The following SLC17A1 variants were observed in gnomAD, a reference collection of about 807,000 sequenced individuals.
SLC17A1 encodes the protein sodium-dependent phosphate transport protein 1.
A neutral mutation model predicts 53.5 loss-of-function variants in SLC17A1; 51 were observed. The observed-to-expected ratio is 0.95, with a 90% CI of 0.76 to 1.20. SLC17A1 has a LOEUF of 1.20. Ranked by LOEUF, SLC17A1 falls within the 50% of genes most tolerant of loss-of-function variation. The pLI, the probability that SLC17A1 is intolerant of heterozygous loss-of-function variation, is 0.00. For missense variants in SLC17A1, 538 were observed against 568.2 expected (o/e 0.95, Z 0.54); for synonymous variants, 179 against 198.8 (o/e 0.90, Z 0.84).
the SLC17A1 span, chr6:25,732,581 G>C: frequency 2.4e-6 from 2 of 832,236 alleles, no homozygotes; most frequent in Non-Finnish European, 3.8e-6. Context: ...GCACGCTAGC[G>C]TACCTGCCGG....
At chr6:25,745,640 A>G in the SLC17A1 span, among the ~76,000 whole-genome samples, 1 of 152,196 alleles carries the variant, frequency 6.6e-6, no homozygotes, top group Non-Finnish European at 1.5e-5. Context: ...TGTGTTACAG[A>G]CTTCCCTAAG....
chr6:25,769,227 C>A, the SLC17A1 span: 1 of 1,551,450 alleles, frequency 6.4e-7, no homozygotes, highest in Middle Eastern at 1.7e-4. Flanking sequence ...TTCTTTGACT[C>A]AAATAATTTG....
Position 25,823,897 on chromosome 6 carries a change from G to A in SLC17A1, c.207+2564C>T, listed in dbSNP as rs1047109565. ...GTCTTTACACTAATTCTACACTGTC[G>A]TTATTACTATAACTCTGTGTAAGTC... is the stretch of plus-strand genomic sequence containing the variant. On this transcript the variant is annotated intron_variant, in intron 3 of 12. Transcript: ENST00000244527. Among the ~76,000 whole-genome samples the A allele has an allele frequency of 6.6e-5, 10 of 151,672 alleles. No individual in the cohort carries two copies. The South Asian group carries it at 8.3e-4, about 13-fold the overall frequency.
Position 25,819,692 on chromosome 6 carries a change from C to T in SLC17A1, c.431G>A (p.Gly144Glu). Residue 144 changes from glycine to glutamate, a missense_variant, in exon 4 of 13, where the codon GGA becomes GAA. By Grantham distance (98) the Gly-to-Glu change is moderately conservative (BLOSUM62 -2). Coordinates refer to ENST00000244527, the MANE Select transcript of SLC17A1 (RefSeq NM_005074.5). ...AWVVVCRAVQ[G>E]AAQGIVATAQ... Reference sequence around the variant, plus strand: ...GCATTATTTTAATACCTGGGCTGCTCCCTGAACTGCTCGACATACAACGAC... The same window carrying T: ...GCATTATTTTAATACCTGGGCTGCTTCCTGAACTGCTCGACATACAACGAC... 1.2e-6 allele frequency: 2 copies of T among 1,614,100 alleles called. No homozygotes were observed. Among genetic ancestry groups the T allele is most frequent in the Non-Finnish European group, 1.7e-6 (2 of 1,179,978 alleles).
the SLC17A1 span, among the ~76,000 whole-genome samples, chr6:25,772,196 C>T: frequency 1.3e-5 from 2 of 152,056 alleles, no homozygotes; most frequent in Non-Finnish European, 2.9e-5. Context: ...ATTCAAACAA[C>T]AAGAAAATCT....
At chr6:25,777,994 C>A (rs763935195), downstream of SLC17A1, 3 of 1,612,442 alleles carry the variant, frequency 1.9e-6, no homozygotes, top group East Asian at 4.5e-5. Context: ...TCTCCTACTG[C>A]TGCTGGATTT....
chr6:25,810,991 T>C (rs140912610), intron 10 of SLC17A1, among the ~76,000 whole-genome samples: 25 of 152,178 alleles, frequency 1.6e-4, no homozygotes, highest in African/African-American at 5.5e-4. Flanking sequence ...GTGAAATAAG[T>C]CAGACACAGA....
At chr6:25,792,211 T>C (rs776674826) in intron 12 of SLC17A1, among the ~76,000 whole-genome samples, 2 of 152,186 alleles carry the variant, frequency 1.3e-5, no homozygotes, top group Non-Finnish European at 2.9e-5. Flanking sequence ...AGTCAATCAA[T>C]CAGGGTTCAG....
At chr6:25,766,219 T>G in the SLC17A1 span, among the ~76,000 whole-genome samples, 1 of 151,176 alleles carries the variant, frequency 6.6e-6, no homozygotes, top group Non-Finnish European at 1.5e-5. Flanking sequence ...AAAGAAAAAA[T>G]TATACATGTC....
At chr6:25,726,074 GA>G in the SLC17A1 span, 1 of 1,453,394 alleles carries the variant, frequency 6.9e-7, no homozygotes. Flanking sequence ...AGGTGGCTCT[GA>G]AAAGAGCCTT....
At chr6:25,756,471 T>C in the SLC17A1 span, among the ~76,000 whole-genome samples, 1 of 152,176 alleles carries the variant, frequency 6.6e-6, no homozygotes, top group African/African-American at 2.4e-5. Flanking sequence ...CTTGTTTTTT[T>C]CATACCATGT....
chr6:25,726,077 A>G, the SLC17A1 span: 6 of 1,457,712 alleles, frequency 4.1e-6, no homozygotes, highest in Non-Finnish European at 5.5e-6. Context: ...TGGCTCTGAA[A>G]AGAGCCTTTT....
the SLC17A1 span, among the ~76,000 whole-genome samples, chr6:25,738,541 GA>G: frequency 6.2e-5 from 9 of 146,332 alleles, no homozygotes; most frequent in African/African-American, 2.2e-4. Flanking sequence ...ATCCAGAAAA[GA>G]AAAAAAAAGT....
At position 25,812,946 on chromosome 6, in the gene SLC17A1, G is replaced by T. The variant is rs780992302; in HGVS notation, c.782C>A (p.Ser261Ter). Residue 261 changes from serine (S) to a stop codon, truncating the protein, a stop_gained, in exon 8 of 13, where the codon TCG (serine) becomes TAG (stop). Transcript: ENST00000244527. LOFTEE classifies it high-confidence loss of function. Reference sequence around the variant, plus strand: ...AGTGGAAATAGCCCAGACTGGAAGCGACTTAAGTATAGCCTTGATAGGCAG... The same window carrying T: ...AGTGGAAATAGCCCAGACTGGAAGCTACTTAAGTATAGCCTTGATAGGCAG... ...QSLPIKAILK[S>*]LPVWAISTGS... The T allele has an allele frequency of 2.4e-5, 38 of 1,613,942 alleles. No homozygotes were observed. Among genetic ancestry groups the T allele is most frequent in the Non-Finnish European group, 3.0e-5 (35 of 1,179,952 alleles).
the SLC17A1 span, among the ~76,000 whole-genome samples, chr6:25,735,727 T>G: frequency 3.3e-5 from 5 of 152,214 alleles, no homozygotes; most frequent in African/African-American, 1.2e-4. Flanking sequence ...TAAATTATTG[T>G]GTTGTGTTCT....
the SLC17A1 span, chr6:25,727,399 G>T: frequency 4.6e-4 from 312 of 684,418 alleles, 2 homozygotes; most frequent in Middle Eastern, 3.6e-3. Context: ...AACCGTAAGG[G>T]TTTTTTTTTT....
At chr6:25,763,517 G>A in the SLC17A1 span, among the ~76,000 whole-genome samples, 1 of 152,266 alleles carries the variant, frequency 6.6e-6, no homozygotes, top group Admixed American at 6.5e-5. Context: ...TGGATCTTCT[G>A]TATTAGACTC....
the SLC17A1 span, among the ~76,000 whole-genome samples, chr6:25,728,011 AAAAAC>A: frequency 6.6e-6 from 1 of 152,174 alleles, no homozygotes; most frequent in African/African-American, 2.4e-5. Context: ...GACTGTCTCA[AAAAAC>A]AAAACAAAAA....
At chr6:25,783,539 C>T (rs892708445) in intron 12 of SLC17A1, among the ~76,000 whole-genome samples, 1 of 152,060 alleles carries the variant, frequency 6.6e-6, no homozygotes, top group East Asian at 1.9e-4. Flanking sequence ...TGAAACCATC[C>T]ATCAGTTGCT....
Sources: allele counts gnomAD v4.1 joint callset (sites outside exome capture counted in the v4.1 genomes callset), GRCh38; gene constraint gnomAD v4.1.1; transcripts MANE v1.5; gene names NCBI Gene and HGNC (gene_info 2026-07-23, HGNC 2026-07-21).